Variants in LAMA4 observed in about 807,000 individuals in gnomAD.
LAMA4 encodes laminin subunit alpha 4.
LAMA4 carries 127 observed loss-of-function variants against 207.1 expected under a neutral mutation model. The observed-to-expected ratio is 0.61, with a 90% CI of 0.53 to 0.71. The LOEUF (loss-of-function observed/expected upper bound fraction) is 0.71. LAMA4 is among the 30% of genes least tolerant of loss of function. The pLI, the probability that LAMA4 is intolerant of heterozygous loss-of-function variation, is 0.00. For synonymous variants in LAMA4, 761 were observed against 816.0 expected (o/e 0.93, Z 1.15); for missense variants, 2,093 against 2,246.5 (o/e 0.93, Z 1.38).
chr6:112,201,736 G>A, intron 4 of LAMA4, 48 bp from the exon 5 acceptor site: 1 of 1,474,570 alleles, frequency 6.8e-7, no homozygotes, highest in Non-Finnish European at 9.5e-7. Flanking sequence ...CATCACCAAA[G>A]AGACTGTCTT....
chr6:112,155,511 A>G, intron 15 of LAMA4, 54 bp downstream of exon 15: 1 of 1,598,972 alleles, frequency 6.3e-7, no homozygotes, highest in South Asian at 1.1e-5. Context: ...ACATCAGAAA[A>G]CAGAAAAGCC....
chr6:112,230,343 A>G (rs1468758705), intron 2 of LAMA4, among the ~76,000 whole-genome samples: 2 of 152,166 alleles, frequency 1.3e-5, no homozygotes, highest in Non-Finnish European at 1.5e-5. Flanking sequence ...GTAATTTCCT[A>G]TAGTTAAGTC....
chr6:112,156,747 G>A (rs1381067055), intron 14 of LAMA4, among the ~76,000 whole-genome samples: 1 of 152,050 alleles, frequency 6.6e-6, no homozygotes, highest in Non-Finnish European at 1.5e-5. Context: ...CAAACCGCCT[G>A]ACCTGTTGAG....
At chr6:112,231,620 A>G (rs1252923193) in intron 2 of LAMA4, among the ~76,000 whole-genome samples, 1 of 152,160 alleles carries the variant, frequency 6.6e-6, no homozygotes, top group Non-Finnish European at 1.5e-5. Flanking sequence ...CATTTGAGGG[A>G]TCTGACAATG....
chr6:112,240,504 T>G (rs1190453250), intron 2 of LAMA4, among the ~76,000 whole-genome samples: 1 of 152,224 alleles, frequency 6.6e-6, no homozygotes, highest in Non-Finnish European at 1.5e-5. Flanking sequence ...ATGCTTTCTA[T>G]TTTTTGTGTG....
chr6:112,119,138 T>C lies in LAMA4; in HGVS notation c.4821+18A>G, dbSNP rs1554325159. The C allele has an allele frequency of 6.2e-7, 1 of 1,613,352 alleles. No homozygotes were observed. The highest frequency in any genetic ancestry group is 1.7e-5 in the Admixed American group (1 of 59,978). ...GGCTCTAATGGTCAATGGCTCTACC[T>C]GGTCATGCCTGGCTTACCTGAACAT... On this transcript the variant is annotated intron_variant, in intron 34 of 38. Coordinates refer to ENST00000230538, the MANE Select transcript of LAMA4 (RefSeq NM_001105206.3).
In LAMA4 at chr6:112,187,566, G is replaced by T; in HGVS notation, c.850C>A (p.Leu284Met). The change falls in exon 8 of 39, where the codon CTG becomes ATG. Residue 284 changes from leucine to methionine, a missense_variant. This residue lies in a region of LAMA4 where 1,704 missense variants were observed against 1,788.4 expected (regional missense o/e 0.95). Transcript: ENST00000230538. ...DKCVWDLTDD[L>M]RLAALSIEEG... is the part of the protein sequence containing the mutation. ...TCGATGGAGAGCGCTGCTAACCGCA[G>T]GTCATCAGTCAGGTCCCAGACGCAC... 6.2e-7 allele frequency: 1 copy of T among 1,614,074 alleles called. No homozygotes were observed. The highest frequency in any genetic ancestry group is 8.5e-7 in the Non-Finnish European group (1 of 1,179,990).
rs562716553 is a variant in LAMA4, at chr6:112,205,403, A to T, written c.422+1618T>A. Among the ~76,000 whole-genome samples, 19 of 152,154 alleles carry T rather than the reference A, an allele frequency of 1.2e-4. 1 individual carries two copies. Among genetic ancestry groups the T allele is most frequent in the Non-Finnish European group, 2.2e-4 (15 of 68,004 alleles). ...ATCTGAAATACTGGGCTGGTAAATGAATCAAGGAGTAGAGCCAAGATCTGA... is the reference window on the plus strand; with the variant it reads ...ATCTGAAATACTGGGCTGGTAAATGTATCAAGGAGTAGAGCCAAGATCTGA... On this transcript the variant is annotated intron_variant, in intron 4 of 38. Coordinates refer to ENST00000230538, the MANE Select transcript of LAMA4 (RefSeq NM_001105206.3).
At chr6:112,254,334 AG>A (rs1787707864) in intron 1 of LAMA4, 43 bp from the exon 2 acceptor site, 2 of 677,186 alleles carry the variant, frequency 3.0e-6, no homozygotes, top group Admixed American at 4.6e-5. Flanking sequence ...GGAGAGTTCC[AG>A]CCTCTCTCTC....
chr6:112,115,727 C>T, intron 36 of LAMA4, 136 bp downstream of exon 36: 2 of 977,116 alleles, frequency 2.0e-6, no homozygotes, highest in South Asian at 2.6e-5. Context: ...CCCACATTTA[C>T]ATTTCATGTT....
At chr6:112,213,003 T>C (rs1242436510) in intron 3 of LAMA4, among the ~76,000 whole-genome samples, 1 of 152,250 alleles carries the variant, frequency 6.6e-6, no homozygotes, top group Admixed American at 6.5e-5. Flanking sequence ...GCTCTGAGAC[T>C]AATAAGAAAC....
intron 3 of LAMA4, among the ~76,000 whole-genome samples, chr6:112,209,527 GCA>G (rs1189490070): frequency 1.3e-5 from 2 of 152,190 alleles, no homozygotes; most frequent in Non-Finnish European, 2.9e-5. Flanking sequence ...AGGCTTCAAT[GCA>G]CATTCTGGGA....
At chr6:112,170,010 G>C (rs553082750) in intron 12 of LAMA4, among the ~76,000 whole-genome samples, 1 of 152,256 alleles carries the variant, frequency 6.6e-6, no homozygotes, top group African/African-American at 2.4e-5. Context: ...TCCCCTTCCT[G>C]ATTATAAAAT....
chr6:112,139,982 C>G, intron 22 of LAMA4, 97 bp from the exon 23 acceptor site: 3 of 1,219,432 alleles, frequency 2.5e-6, no homozygotes, highest in Non-Finnish European at 3.6e-6. Context: ...TCAAGGAGAC[C>G]TACCCCTTTG....
At chr6:112,202,887 C>A (rs1783841146) in intron 4 of LAMA4, among the ~76,000 whole-genome samples, 1 of 152,184 alleles carries the variant, frequency 6.6e-6, no homozygotes, top group Admixed American at 6.5e-5. Flanking sequence ...GCAACATCTG[C>A]TAGGGGCATC....
intron 2 of LAMA4, chr6:112,219,181 A>G (rs1456019147): frequency 1.3e-5 from 2 of 152,176 alleles, no homozygotes; most frequent in Admixed American, 1.3e-4. Flanking sequence ...CCTTTTTGTA[A>G]TATCAAAAGG....
At chr6:112,196,645 G>A (rs1488747607) in intron 5 of LAMA4, 1 of 152,134 alleles carries the variant, frequency 6.6e-6, no homozygotes, top group Non-Finnish European at 1.5e-5. Context: ...TGCATCAGAA[G>A]ACAACTTCCA....
intron 9 of LAMA4, 50 bp downstream of exon 9, chr6:112,185,187 A>C (rs1459289367): frequency 3.2e-6 from 4 of 1,257,366 alleles, no homozygotes; most frequent in Non-Finnish European, 4.7e-6. Flanking sequence ...CACATCAGCT[A>C]AATCCTTTCT....
Position 112,165,281 on chromosome 6 carries a change from G to T in LAMA4, c.1552-5C>A. The T allele has an allele frequency of 6.3e-7, 1 of 1,579,454 alleles. No homozygotes were observed. The highest frequency in any genetic ancestry group is 8.7e-7 in the Non-Finnish European group (1 of 1,148,456). On this transcript the variant is annotated splice_region_variant and splice_polypyrimidine_tract_variant and intron_variant, in intron 12 of 38. Coordinates refer to ENST00000230538, the MANE Select transcript of LAMA4 (RefSeq NM_001105206.3). ...CCTCACTCTTTCCTGTTGTTTCTGCGGGAAGGAAGAGTAAGGGAGAGTGAA... is the reference window on the plus strand; with the variant it reads ...CCTCACTCTTTCCTGTTGTTTCTGCTGGAAGGAAGAGTAAGGGAGAGTGAA...
Sources: allele counts gnomAD v4.1 joint callset (sites outside exome capture counted in the v4.1 genomes callset), GRCh38; gene constraint gnomAD v4.1.1; regional missense constraint gnomAD v4.1.1; transcripts MANE v1.5; gene names NCBI Gene and HGNC (gene_info 2026-07-23, HGNC 2026-07-21).